KCNN2: variants seen among roughly 807,000 people sequenced by gnomAD.
KCNN2 encodes the protein small conductance calcium-activated potassium channel protein 2.
A neutral mutation model predicts 55.5 loss-of-function variants in KCNN2; 24 were observed. That is an observed-to-expected ratio of 0.43 (90% CI 0.31 to 0.61). The LOEUF (loss-of-function observed/expected upper bound fraction) is 0.61. Among genes scored for constraint, KCNN2 ranks in the 20% least tolerant of loss-of-function variants. The pLI, the probability that KCNN2 is intolerant of heterozygous loss-of-function variation, is 0.08. For synonymous variants in KCNN2, 431 were observed against 336.1 expected (o/e 1.28, Z -3.09); for missense variants, 754 against 853.6 (o/e 0.88, Z 1.45).
intron 1 of KCNN2, among the ~76,000 whole-genome samples, chr5:114,190,434 A>G (rs993724270): frequency 3.9e-5 from 6 of 152,196 alleles, no homozygotes; most frequent in Admixed American, 3.3e-4. Flanking sequence ...TATAGCCCCC[A>G]AAATAATGAG....
At chr5:114,186,123 G>A (rs1041133286) in intron 1 of KCNN2, among the ~76,000 whole-genome samples, 1 of 152,086 alleles carries the variant, frequency 6.6e-6, no homozygotes, top group African/African-American at 2.4e-5. Flanking sequence ...ATTGTGAAAT[G>A]TGTGCAATCT....
intron 2 of KCNN2, among the ~76,000 whole-genome samples, chr5:114,333,829 A>C (rs1248085754): frequency 6.6e-6 from 1 of 152,236 alleles, no homozygotes; most frequent in Admixed American, 6.5e-5. Flanking sequence ...CCTTACACAT[A>C]AAAATGCCAT....
intron 3 of KCNN2, among the ~76,000 whole-genome samples, chr5:114,452,846 C>A (rs1221877043): frequency 6.6e-6 from 1 of 152,180 alleles, no homozygotes; most frequent in African/African-American, 2.4e-5. Flanking sequence ...AGCTCTTTTC[C>A]TTTTGAACTT....
chr5:114,056,417 T>A (rs1403092168), exon 1 of KCNN2: 1 of 398,564 alleles, frequency 2.5e-6, no homozygotes, highest in Non-Finnish European at 4.4e-6. Context: ...CTTTGTCCAC[T>A]GGCGCATTTC....
rs185806857 is a variant in KCNN2 at position 114,102,599 on chromosome 5, G to A, written c.-271+46099G>A. Among the ~76,000 whole-genome samples the A allele has an allele frequency of 2.0e-4, 31 of 152,272 alleles. No individual in the cohort carries two copies. In the East Asian group the frequency reaches 5.6e-3, roughly 28 times the overall value. On this transcript the variant is annotated intron_variant, in intron 1 of 10. Coordinates refer to the KCNN2 transcript ENST00000512097. ...TATGTTTAAATCTTTAATCCACTGT[G>A]AGTTAATTTTTGTATAAGGTGTAAG... is the stretch of plus-strand genomic sequence containing the variant.
At chr5:114,336,038 A>C (rs554141294) in intron 2 of KCNN2, among the ~76,000 whole-genome samples, 16 of 152,362 alleles carry the variant, frequency 1.1e-4, no homozygotes, top group African/African-American at 3.4e-4. Context: ...TTGAAAATTG[A>C]TCCCTTGAAG....
intron 2 of KCNN2, among the ~76,000 whole-genome samples, chr5:114,321,835 A>T (rs182992365): frequency 1.3e-3 from 205 of 152,016 alleles, no homozygotes; most frequent in Non-Finnish European, 2.3e-3. Flanking sequence ...ATGCCCGGCT[A>T]ATTTTTATAT....
chr5:114,382,194 C>T (rs190281358), intron 2 of KCNN2, among the ~76,000 whole-genome samples: 92 of 152,174 alleles, frequency 6.0e-4, no homozygotes, highest in Non-Finnish European at 1.0e-3. Context: ...TTTTGTTTAC[C>T]GTTACTATTC....
intron 1 of KCNN2, among the ~76,000 whole-genome samples, chr5:114,125,373 T>C (rs1272874229): frequency 6.6e-6 from 1 of 152,212 alleles, no homozygotes; most frequent in Non-Finnish European, 1.5e-5. Context: ...TTATATCCTG[T>C]TGCATTAGTA....
chr5:114,143,742 A>G (rs1056410293), intron 1 of KCNN2, among the ~76,000 whole-genome samples: 1 of 152,132 alleles, frequency 6.6e-6, no homozygotes, highest in Admixed American at 6.5e-5. Flanking sequence ...TCTTTACACA[A>G]TCCTGCGTGC....
At chr5:114,347,402 A>G (rs186267708) in intron 2 of KCNN2, among the ~76,000 whole-genome samples, 9 of 152,330 alleles carry the variant, frequency 5.9e-5, no homozygotes, top group African/African-American at 2.2e-4. Context: ...CAATTACATC[A>G]GATTCCACCA....
At chr5:114,288,493 T>TACAC (rs777077524) in intron 2 of KCNN2, among the ~76,000 whole-genome samples, 66 of 21,720 alleles carry the variant, frequency 3.0e-3, no homozygotes, top group Middle Eastern at 0.036. Context: ...ACTTTATATA[T>TACAC]ATATATACAC....
chr5:114,442,056 AAG>A (rs1337407045), intron 3 of KCNN2, among the ~76,000 whole-genome samples: 8 of 152,148 alleles, frequency 5.3e-5, no homozygotes, highest in Non-Finnish European at 1.2e-4. Flanking sequence ...ACAAATTAAA[AAG>A]AGAAAAAAGC....
At chr5:114,463,268 T>A in intron 4 of KCNN2, 78 bp downstream of exon 4, 1 of 1,113,794 alleles carries the variant, frequency 9.0e-7, no homozygotes, top group Non-Finnish European at 1.3e-6. Context: ...CGTGCATAAG[T>A]AATTGTGAGC....
Position 114,495,949 on chromosome 5 carries a change from T to C in KCNN2, c.2143T>C (p.Phe715Leu). ...ISDLNERSEDFEKRIVTLETK... is the reference protein window; with the variant it reads ...ISDLNERSEDLEKRIVTLETK... ...TGACTTAAACGAAAGGAGTGAAGAC[T>C]TCGAGAAGAGGATTGTTACCCTGGA... The change falls in exon 8 of 8, where the codon TTC becomes CTC. Residue 715 changes from phenylalanine (F) to leucine (L), a missense_variant. Phe to Leu is a conservative substitution (Grantham distance 22). Transcript: ENST00000673685. 1 of 1,614,050 alleles carries C rather than the reference T, an allele frequency of 6.2e-7. No individual in the cohort carries two copies. Among genetic ancestry groups the C allele is most frequent in the Non-Finnish European group, 8.5e-7 (1 of 1,179,948 alleles).
At chr5:114,139,428 G>A (rs752109375) in intron 1 of KCNN2, among the ~76,000 whole-genome samples, 21 of 149,826 alleles carry the variant, frequency 1.4e-4, no homozygotes, top group Middle Eastern at 3.5e-3. Flanking sequence ...ATTTTAATTT[G>A]CAAAGCAAAG....
chr5:114,264,014 T>TA (rs2150005405), intron 2 of KCNN2, among the ~76,000 whole-genome samples: 1 of 152,332 alleles, frequency 6.6e-6, no homozygotes, highest in Non-Finnish European at 1.5e-5. Flanking sequence ...CCCAGCTGTG[T>TA]AGTGCAGTTT....
intron 6 of KCNN2, among the ~76,000 whole-genome samples, chr5:114,493,106 G>A (rs976928041): frequency 2.0e-5 from 3 of 151,972 alleles, no homozygotes; most frequent in Non-Finnish European, 4.4e-5. Context: ...GGAATGTTTT[G>A]GCTTTTTCTC....
At chr5:114,222,543 G>A (rs1288434493) in intron 2 of KCNN2, among the ~76,000 whole-genome samples, 3 of 152,178 alleles carry the variant, frequency 2.0e-5, no homozygotes, top group Non-Finnish European at 4.4e-5. Context: ...CATTTTTCAT[G>A]TATCTCAGTG....
Sources: gnomAD v4.1 joint callset for allele counts (sites outside exome capture counted in the v4.1 genomes callset) on GRCh38, gnomAD v4.1.1 for gene constraint, MANE v1.5 for transcripts, NCBI Gene and HGNC (gene_info 2026-07-23, HGNC 2026-07-21) for gene names.